Variants in AUTS2 observed in about 807,000 individuals in gnomAD.
The protein encoded by AUTS2 is activator of transcription and developmental regulator AUTS2.
In AUTS2, 17 loss-of-function variants were observed where a neutral mutation model predicts 112.4. That is an observed-to-expected ratio of 0.15 (90% confidence interval 0.10 to 0.23). AUTS2 has a LOEUF of 0.23. Among genes scored for constraint, AUTS2 ranks in the 10% least tolerant of loss-of-function variants. The pLI is 1.00. For synonymous variants in AUTS2, 751 were observed against 702.7 expected, an observed-to-expected ratio of 1.07 and a Z score of -1.09; for missense variants, 1,510 against 1,701.6, an observed-to-expected ratio of 0.89 and a Z score of 1.98.
At chr7:70,731,698 G>A (rs1787409359) in intron 6 of AUTS2, among the ~76,000 whole-genome samples, 1 of 151,766 alleles carries the variant, frequency 6.6e-6, no homozygotes, top group South Asian at 2.1e-4. Flanking sequence ...CAGAGTGCTG[G>A]GATTACAGGC....
chr7:70,746,971 T>C (rs1788492514), intron 6 of AUTS2, among the ~76,000 whole-genome samples: 1 of 152,230 alleles, frequency 6.6e-6, no homozygotes, highest in Admixed American at 6.5e-5. Context: ...CCAGTTAATA[T>C]TGGGGGAATG....
intron 1 of AUTS2, among the ~76,000 whole-genome samples, chr7:69,893,326 T>G (rs567623758): frequency 6.6e-6 from 1 of 152,190 alleles, no homozygotes; most frequent in African/African-American, 2.4e-5. Flanking sequence ...TGTGAACATA[T>G]CTATCTAGTT....
intron 2 of AUTS2, among the ~76,000 whole-genome samples, chr7:70,035,150 C>T (rs1199277017): frequency 6.6e-6 from 1 of 152,172 alleles, no homozygotes; most frequent in African/African-American, 2.4e-5. Context: ...CTTTATGCCA[C>T]CCACTAAAGA....
At chr7:69,927,732 G>A (rs1468183998) in intron 2 of AUTS2, among the ~76,000 whole-genome samples, 1 of 152,244 alleles carries the variant, frequency 6.6e-6, no homozygotes, top group Non-Finnish European at 1.5e-5. Context: ...GGGGAGGGCA[G>A]CTCCAGGTGC....
chr7:70,525,371 A>G (rs145215018), intron 5 of AUTS2, among the ~76,000 whole-genome samples: 1,551 of 152,300 alleles, frequency 0.01, 16 homozygotes, highest in African/African-American at 0.036. Context: ...GCCATTCCAT[A>G]TCATGCCTTG....
intron 4 of AUTS2, among the ~76,000 whole-genome samples, chr7:70,205,147 C>G (rs1219294991): frequency 6.6e-6 from 1 of 152,102 alleles, no homozygotes; most frequent in Admixed American, 6.5e-5. Flanking sequence ...GTGAATGGAT[C>G]TTCCTGCCTC....
rs556790313 is a variant in AUTS2 at position 70,776,642 on chromosome 7, G to A, written c.1933-461G>A. 140 of 167,052 alleles carry A rather than the reference G, an allele frequency of 8.4e-4. 1 individual carries two copies. The highest frequency in any genetic ancestry group is 1.6e-3 in the Non-Finnish European group (124 of 78,646). 10.3% of individuals were successfully genotyped at this position (167,052 alleles called of 1,614,324 possible). ...AATAAAAACCACCACGGTCTTGGGG[G>A]AGGTTAGGACAGGTTCTGTACCCTC... On this transcript the variant is annotated intron_variant, in intron 13 of 18. Transcript: ENST00000342771.
rs766391532 is a variant in AUTS2, at chr7:70,786,018, G to A, written c.2288G>A (p.Gly763Glu). 1.2e-6 allele frequency: 2 copies of A among 1,614,124 alleles called. No individual in the cohort carries two copies. ...GCAGTTGGTGGCAATGCCTTCGGGG[G>A]ACTTGGAAATCCTTCCGTTAGTGAG... Reference protein sequence around the residue: ...LAAVGGNAFGGLGNPSVTPNS... With the variant: ...LAAVGGNAFGELGNPSVTPNS... The change falls in exon 17 of 19, where the codon GGA becomes GAA. Residue 763 changes from glycine (G) to glutamate (E), a missense_variant. Physicochemically the swap from Gly to Glu is moderately conservative, Grantham distance 98 (BLOSUM62 -2). This residue lies in a region of AUTS2 where 788 missense variants were observed against 797.6 expected (regional missense o/e 0.99). Transcript: ENST00000342771.
At chr7:70,066,721 G>T (rs1802513453) in intron 2 of AUTS2, among the ~76,000 whole-genome samples, 1 of 151,930 alleles carries the variant, frequency 6.6e-6, no homozygotes, top group African/African-American at 2.4e-5. Flanking sequence ...TGTATTTTTA[G>T]TAGAGACAGG....
chr7:70,448,911 A>G (rs1477415666), intron 5 of AUTS2, among the ~76,000 whole-genome samples: 2 of 152,224 alleles, frequency 1.3e-5, no homozygotes, highest in South Asian at 2.1e-4. Flanking sequence ...ACATGCTTAC[A>G]GTGCAACTCC....
At position 70,118,244 on chromosome 7, in the gene AUTS2, GT is replaced by G. The variant is rs1805490429; in HGVS notation, c.624+12del. On this transcript the variant is annotated intron_variant, in intron 3 of 18. Coordinates refer to ENST00000342771, the MANE Select transcript of AUTS2 (RefSeq NM_015570.4). ...GAAAGGCTCAGTGATGTAAGTTTAA[GT>G]AAAAAAAAAAAAAAAAAAAAAATTA... is the stretch of plus-strand genomic sequence containing the variant. 14 of 754,104 alleles carry G rather than the reference GT, an allele frequency of 1.9e-5. No homozygotes were observed. The highest frequency in any genetic ancestry group is 1.1e-4 in the Admixed American group (2 of 18,166). 46.7% of individuals were successfully genotyped at this position (754,104 alleles called of 1,614,324 possible).
At chr7:69,853,567 C>A (rs1176558360) in intron 1 of AUTS2, among the ~76,000 whole-genome samples, 1 of 152,004 alleles carries the variant, frequency 6.6e-6, no homozygotes, top group African/African-American at 2.4e-5. Context: ...TTTATTCATT[C>A]AACCAATCTG....
intron 2 of AUTS2, among the ~76,000 whole-genome samples, chr7:70,025,148 A>G (rs1477070106): frequency 1.3e-5 from 2 of 152,148 alleles, no homozygotes; most frequent in African/African-American, 4.8e-5. Context: ...TTGGATACCT[A>G]TTATGTGCTG....
chr7:69,946,557 TACACACACACACACAC>T (rs57891742), intron 2 of AUTS2, among the ~76,000 whole-genome samples: 3,272 of 144,024 alleles, frequency 0.023, 89 homozygotes, highest in African/African-American at 0.065. Context: ...TGTGATGTGA[TACACACACACACACAC>T]ACACACACAC....
At chr7:69,828,601 A>G (rs1043299545) in intron 1 of AUTS2, among the ~76,000 whole-genome samples, 1 of 152,246 alleles carries the variant, frequency 6.6e-6, no homozygotes, top group Admixed American at 6.5e-5. Flanking sequence ...ACTGATAACT[A>G]TCTTACCCCA....
intron 5 of AUTS2, among the ~76,000 whole-genome samples, chr7:70,638,113 C>T (rs1404844841): frequency 6.6e-6 from 1 of 152,150 alleles, no homozygotes. Context: ...TTGGGGAGAA[C>T]TTCTAGAGAG....
chr7:69,747,120 A>C (rs1787529654), intron 1 of AUTS2, among the ~76,000 whole-genome samples: 2 of 152,178 alleles, frequency 1.3e-5, no homozygotes, highest in South Asian at 4.1e-4. Flanking sequence ...GTTGGGCCCT[A>C]CCCAAAGGGT....
intron 1 of AUTS2, among the ~76,000 whole-genome samples, chr7:69,642,311 A>G (rs563418144): frequency 5.1e-4 from 77 of 152,320 alleles, no homozygotes; most frequent in Non-Finnish European, 1.0e-4. Flanking sequence ...AAAAAATGGC[A>G]ACAAACAAAT....
chr7:70,080,751 G>A (rs552392110), intron 2 of AUTS2, among the ~76,000 whole-genome samples: 59 of 152,218 alleles, frequency 3.9e-4, no homozygotes, highest in African/African-American at 1.3e-3. Flanking sequence ...CTTCATCATA[G>A]CAAAAGGCTC....
Sources: gnomAD v4.1 joint callset for allele counts (sites outside exome capture counted in the v4.1 genomes callset) on GRCh38, gnomAD v4.1.1 for gene constraint, gnomAD v4.1.1 regional missense constraint, MANE v1.5 for transcripts, NCBI Gene and HGNC (gene_info 2026-07-23, HGNC 2026-07-21) for gene names.